NLGN1: variants seen among roughly 807,000 people sequenced by gnomAD.
NLGN1 encodes the protein neuroligin-1.
Under a neutral mutation model 65.5 loss-of-function variants are expected in NLGN1, and 12 were observed. That is an observed-to-expected ratio of 0.18 (90% CI 0.12 to 0.30). The LOEUF (loss-of-function observed/expected upper bound fraction) is 0.30. Among genes scored for constraint, NLGN1 ranks in the 10% least tolerant of loss-of-function variants. The pLI is 1.00. For synonymous variants in NLGN1, 350 were observed against 359.5 expected (o/e 0.97, Z 0.30); for missense variants, 750 against 1,007.1 (o/e 0.74, Z 3.46).
intron 2 of NLGN1, among the ~76,000 whole-genome samples, chr3:173,572,005 T>A (rs183024870): frequency 2.3e-3 from 357 of 152,352 alleles, no homozygotes; most frequent in Non-Finnish European, 3.9e-3. Context: ...TTTTTCCCTC[T>A]AAGAAGTTAT....
chr3:174,125,535 A>G (rs1718752192), intron 4 of NLGN1, among the ~76,000 whole-genome samples: 1 of 152,056 alleles, frequency 6.6e-6, no homozygotes, highest in Non-Finnish European at 1.5e-5. Context: ...CAGGGAGTTC[A>G]GGTGTGGACA....
At chr3:173,483,576 C>T (rs1727656664) in intron 2 of NLGN1, among the ~76,000 whole-genome samples, 1 of 151,950 alleles carries the variant, frequency 6.6e-6, no homozygotes, top group Non-Finnish European at 1.5e-5. Flanking sequence ...AATCTACAAA[C>T]AGTTAAAGAC....
chr3:173,668,609 C>T (rs1383820457), intron 3 of NLGN1, among the ~76,000 whole-genome samples: 2 of 142,304 alleles, frequency 1.4e-5, no homozygotes, highest in Admixed American at 1.4e-4. Context: ...TTTCTTTTTA[C>T]TTTTCTTTTC....
At chr3:173,969,355 A>G (rs912180167) in intron 4 of NLGN1, among the ~76,000 whole-genome samples, 19 of 152,172 alleles carry the variant, frequency 1.2e-4, no homozygotes, top group Admixed American at 3.3e-4. Context: ...TCTATCATAT[A>G]AATTTCTACA....
At chr3:173,483,325 C>A (rs1727613330) in intron 2 of NLGN1, among the ~76,000 whole-genome samples, 1 of 151,870 alleles carries the variant, frequency 6.6e-6, no homozygotes, top group Non-Finnish European at 1.5e-5. Context: ...TGTAAATTAG[C>A]CTTTCTGACT....
At chr3:173,711,495 T>C (rs1387252260) in intron 3 of NLGN1, among the ~76,000 whole-genome samples, 1 of 152,200 alleles carries the variant, frequency 6.6e-6, no homozygotes, top group Non-Finnish European at 1.5e-5. Flanking sequence ...TAAATTGGTT[T>C]TAATGATGGT....
chr3:173,605,103 G>T lies in NLGN1; in HGVS notation c.493+12G>T. On this transcript the variant is annotated intron_variant, in intron 3 of 6. Transcript: ENST00000457714. ...CCCGACTGAGGATGGTGAGTTTATT[G>T]CAGGAAAAACAGGGAGATATATTTA... is the stretch of plus-strand genomic sequence containing the variant. 1.9e-6 allele frequency: 3 copies of T among 1,579,096 alleles called. No homozygotes were observed. The highest frequency in any genetic ancestry group is 2.6e-6 in the Non-Finnish European group (3 of 1,163,904).
intron 4 of NLGN1, among the ~76,000 whole-genome samples, chr3:174,189,527 A>C (rs1731997351): frequency 6.6e-6 from 1 of 152,036 alleles, no homozygotes; most frequent in Non-Finnish European, 1.5e-5. Context: ...ATCTTAAGTT[A>C]TATAATGTGA....
intron 4 of NLGN1, among the ~76,000 whole-genome samples, chr3:173,929,666 T>C (rs577307823): frequency 5.6e-4 from 85 of 151,478 alleles, no homozygotes; most frequent in Admixed American, 1.1e-3. Context: ...AGTGTATGTC[T>C]ACCCAATAAG....
chr3:174,077,995 G>A (rs993768301), intron 4 of NLGN1, among the ~76,000 whole-genome samples: 10 of 152,092 alleles, frequency 6.6e-5, no homozygotes, highest in African/African-American at 2.4e-4. Flanking sequence ...GGAACAAAAT[G>A]GAGGAACAAA....
At chr3:173,578,373 G>T (rs1408389349) in intron 2 of NLGN1, among the ~76,000 whole-genome samples, 1 of 152,192 alleles carries the variant, frequency 6.6e-6, no homozygotes. Context: ...GAAAATTCAG[G>T]CTAGTGTTTA....
rs1175719248 is a variant in NLGN1 at position 173,781,154 on chromosome 3, A to AAAAAAAAAAAAAAAG, written c.494-26524_494-26523insAAAAAAAAAAAAGAA. 4.7e-4 allele frequency among the ~76,000 whole-genome samples: 71 copies of AAAAAAAAAAAAAAAG among 150,870 alleles called. 3 individuals are homozygous for AAAAAAAAAAAAAAAG. Among genetic ancestry groups the AAAAAAAAAAAAAAAG allele is most frequent in the African/African-American group, 1.6e-3 (67 of 41,134 alleles). On this transcript the variant is annotated intron_variant, in intron 3 of 6. Transcript: ENST00000457714. ...AGCGAGACTCCGTCTCAAAAAAAAA[A>AAAAAAAAAAAAAAAG]AAGTAAATATTGAAGAGCATGTAAG...
chr3:174,195,071 G>C (rs1427365486), intron 4 of NLGN1, among the ~76,000 whole-genome samples: 1 of 152,008 alleles, frequency 6.6e-6, no homozygotes, highest in African/African-American at 2.4e-5. Flanking sequence ...ATGTTGGTCA[G>C]GCTGGTCTCG....
At chr3:173,475,333 C>T (rs988562392) in intron 2 of NLGN1, among the ~76,000 whole-genome samples, 32 of 149,778 alleles carry the variant, frequency 2.1e-4, no homozygotes, top group African/African-American at 7.8e-4. Context: ...TTATCAAAAT[C>T]CTTTAAAAGA....
At chr3:174,237,849 G>T (rs567539675) in intron 4 of NLGN1, among the ~76,000 whole-genome samples, 2 of 152,040 alleles carry the variant, frequency 1.3e-5, no homozygotes, top group Non-Finnish European at 2.9e-5. Flanking sequence ...GAGCCACCAC[G>T]CCTGGCCAGG....
intron 2 of NLGN1, among the ~76,000 whole-genome samples, chr3:173,516,222 A>C (rs978589126): frequency 6.6e-6 from 1 of 152,060 alleles, no homozygotes; most frequent in Non-Finnish European, 1.5e-5. Flanking sequence ...GGAATAATAC[A>C]AGGGTAAGAG....
At chr3:173,759,946 G>A (rs1020938950) in intron 3 of NLGN1, among the ~76,000 whole-genome samples, 7 of 151,906 alleles carry the variant, frequency 4.6e-5, no homozygotes, top group African/African-American at 1.7e-4. Context: ...AGGATCTAAT[G>A]TGTTTTCTTT....
At chr3:173,582,941 C>G (rs1174966336) in intron 2 of NLGN1, among the ~76,000 whole-genome samples, 1 of 152,120 alleles carries the variant, frequency 6.6e-6, no homozygotes, top group Non-Finnish European at 1.5e-5. Context: ...AAGTTGCAAT[C>G]TTGTATTATC....
chr3:173,825,763 A>G (rs1318111672), intron 4 of NLGN1, among the ~76,000 whole-genome samples: 1 of 152,118 alleles, frequency 6.6e-6, no homozygotes, highest in Non-Finnish European at 1.5e-5. Context: ...AGATCCTAAC[A>G]TGCTGGAGTT....
Sources: allele counts gnomAD v4.1 joint callset (sites outside exome capture counted in the v4.1 genomes callset), GRCh38; gene constraint gnomAD v4.1.1; transcripts MANE v1.5; gene names NCBI Gene and HGNC (gene_info 2026-07-23, HGNC 2026-07-21).